Variants in SLC25A28 observed in about 807,000 individuals in gnomAD.
The protein encoded by SLC25A28 is solute carrier family 25 member 28, also known as mitoferrin-2.
A neutral mutation model predicts 31.9 loss-of-function variants in SLC25A28; 10 were observed. That is an observed-to-expected ratio of 0.31 (90% CI 0.19 to 0.53). The LOEUF is 0.53. Ranked by LOEUF, SLC25A28 falls within the 20% of genes least tolerant of loss-of-function variation. The pLI is 0.95. For missense variants in SLC25A28, 256 were observed against 490.3 expected, an observed-to-expected ratio of 0.52 and a Z score of 4.51; for synonymous variants, 208 against 203.6, an observed-to-expected ratio of 1.02 and a Z score of -0.19.
chr10:99,624,267 C>T (rs956068198), upstream of SLC25A28, among the ~76,000 whole-genome samples: 5 of 130,118 alleles, frequency 3.8e-5, no homozygotes, highest in Non-Finnish European at 1.7e-5. Flanking sequence ...CTCTCTCTCT[C>T]TTTCTTTTGT....
the SLC25A28 span, among the ~76,000 whole-genome samples, chr10:99,635,462 A>C: frequency 1.3e-5 from 2 of 152,128 alleles, no homozygotes; most frequent in African/African-American, 2.4e-5. Context: ...CGGGTGGATC[A>C]CGAGGTCAGG....
At chr10:99,612,032 T>C (rs1027431996) in intron 3 of SLC25A28, among the ~76,000 whole-genome samples, 2 of 152,196 alleles carry the variant, frequency 1.3e-5, no homozygotes, top group African/African-American at 4.8e-5. Context: ...CATCCTCACA[T>C]GGAGAATGTT....
At chr10:99,612,197 G>GA (rs946916276) in intron 3 of SLC25A28, among the ~76,000 whole-genome samples, 4 of 151,024 alleles carry the variant, frequency 2.6e-5, no homozygotes, top group African/African-American at 7.3e-5. Flanking sequence ...TCATAAGGGG[G>GA]AAAAAAAAAG....
At chr10:99,631,766 A>T in the SLC25A28 span, among the ~76,000 whole-genome samples, 1 of 152,028 alleles carries the variant, frequency 6.6e-6, no homozygotes, top group Non-Finnish European at 1.5e-5. Context: ...ATACTCTAAT[A>T]GGCCGCATAG....
Position 99,620,398 on chromosome 10 carries a change from C to T in SLC25A28, c.-63G>A, listed in dbSNP as rs2133363956. On this transcript the variant is annotated 5_prime_UTR_variant, in exon 1 of 4. Transcript: ENST00000370495. ...CTGCCACCACTGCCGCCGCCGCCCC[C>T]CGGCCCCGTAGTGTCCGCCTCAGGC... is the stretch of plus-strand genomic sequence containing the variant. 9.4e-7 allele frequency: 1 copy of T among 1,068,828 alleles called. No individual in the cohort carries two copies. The highest frequency in any genetic ancestry group is 1.1e-6 in the Non-Finnish European group (1 of 884,606). The allele number at this position is 1,068,828 out of a possible 1,614,324, so 66.2% of individuals were successfully genotyped here.
chr10:99,616,775 T>A, intron 1 of SLC25A28: 1 of 976,608 alleles, frequency 1.0e-6, no homozygotes, highest in African/African-American at 1.7e-5. Context: ...ATAACTGTGC[T>A]ACTTAAACTG....
the SLC25A28 span, among the ~76,000 whole-genome samples, chr10:99,631,753 A>G: frequency 6.6e-6 from 1 of 152,164 alleles, no homozygotes; most frequent in East Asian, 1.9e-4. Context: ...TAAAGCAGTA[A>G]TAATACTCTA....
chr10:99,615,903 G>A, intron 1 of SLC25A28: 1 of 985,374 alleles, frequency 1.0e-6, no homozygotes, highest in Non-Finnish European at 1.2e-6. Context: ...TTTGGCTTCG[G>A]AGGCCTGGAA....
At chr10:99,634,596 G>T in the SLC25A28 span, among the ~76,000 whole-genome samples, 3 of 151,984 alleles carry the variant, frequency 2.0e-5, no homozygotes, top group Non-Finnish European at 4.4e-5. Flanking sequence ...CAAAGACAAA[G>T]AAAAAAGATT....
chr10:99,616,147 A>T, intron 1 of SLC25A28: 1 of 985,442 alleles, frequency 1.0e-6, no homozygotes, highest in East Asian at 1.1e-4. Flanking sequence ...GAAAAACCTC[A>T]ATGTGAAAAA....
At chr10:99,617,967 T>A (rs549452782) in intron 1 of SLC25A28, among the ~76,000 whole-genome samples, 1 of 152,356 alleles carries the variant, frequency 6.6e-6, no homozygotes, top group Admixed American at 6.5e-5. Context: ...TTCAGAGGTG[T>A]TTCCTCAACG....
At chr10:99,648,329 C>A in the SLC25A28 span, among the ~76,000 whole-genome samples, 12 of 152,110 alleles carry the variant, frequency 7.9e-5, no homozygotes, top group Admixed American at 7.2e-4. Flanking sequence ...ATACTTATAC[C>A]AGTACTACAC....
the SLC25A28 span, among the ~76,000 whole-genome samples, chr10:99,631,878 A>ATTTGTTTT: frequency 1.1e-5 from 1 of 92,902 alleles, no homozygotes; most frequent in Non-Finnish European, 2.0e-5. Flanking sequence ...TCAGTATGTT[A>ATTTGTTTT]TTTTTTTTTT....
At position 99,612,674 on chromosome 10, in the gene SLC25A28, G is replaced by A. The variant is rs1339050737; in HGVS notation, c.521-75C>T. 11 of 1,543,878 alleles carry A rather than the reference G, an allele frequency of 7.1e-6. No homozygotes were observed. In the South Asian group the frequency reaches 1.0e-4, roughly 14 times the overall value. On this transcript the variant is annotated intron_variant, in intron 2 of 3. Transcript: ENST00000370495. ...ACTCATTGAGGTCCCCCAGTGAAGG[G>A]GAGTGGCTGTGCTACACTACAGCGG...
upstream of SLC25A28, chr10:99,621,776 A>T (rs758082401): frequency 1.3e-5 from 2 of 152,210 alleles, no homozygotes; most frequent in Non-Finnish European, 2.9e-5. Flanking sequence ...GATAGGAAAG[A>T]TGTTTTCCTT....
chr10:99,616,823 C>G (rs1263158367), intron 1 of SLC25A28: 2 of 919,866 alleles, frequency 2.2e-6, no homozygotes, highest in African/African-American at 3.6e-5. Context: ...CCCTAAGCCT[C>G]CTTTCAACTG....
chr10:99,619,213 T>G (rs1021219487), intron 1 of SLC25A28: 1 of 985,302 alleles, frequency 1.0e-6, no homozygotes, highest in African/African-American at 1.7e-5. Flanking sequence ...GTCCTCTTGT[T>G]GATCTCTTTC....
chr10:99,640,298 A>G, the SLC25A28 span, among the ~76,000 whole-genome samples: 1 of 152,204 alleles, frequency 6.6e-6, no homozygotes, highest in Non-Finnish European at 1.5e-5. Context: ...TAGAGAATGC[A>G]CTTCCACAGT....
At chr10:99,619,899 G>A (rs2034742862) in intron 1 of SLC25A28, 146 bp downstream of exon 1, 1 of 754,210 alleles carries the variant, frequency 1.3e-6, no homozygotes, top group Admixed American at 3.9e-5. Context: ...TGCTTGAATG[G>A]AGTGTCGGTT....
Sources: gnomAD v4.1 joint callset for allele counts (sites outside exome capture counted in the v4.1 genomes callset) on GRCh38, gnomAD v4.1.1 for gene constraint, MANE v1.5 for transcripts, NCBI Gene and HGNC (gene_info 2026-07-23, HGNC 2026-07-21) for gene names.